FBXW7: variants seen among roughly 807,000 people sequenced by gnomAD.
FBXW7 encodes F-box and WD repeat domain containing 7.
FBXW7 carries 11 observed loss-of-function variants against 86.3 expected under a neutral mutation model. The ratio of observed to expected loss-of-function variants is 0.13; its 90% confidence interval spans 0.08 to 0.21. The LOEUF is 0.21. FBXW7 is among the 10% of genes least tolerant of loss of function. The pLI is 1.00. For missense variants in FBXW7, 488 were observed against 847.4 expected (o/e 0.58, Z 5.27); for synonymous variants, 313 against 297.9 (o/e 1.05, Z -0.52).
intron 4 of FBXW7, among the ~76,000 whole-genome samples, chr4:152,372,129 T>C (rs1734055657): frequency 6.6e-6 from 1 of 151,978 alleles, no homozygotes; most frequent in Non-Finnish European, 1.5e-5. Context: ...AGAAAAGTAA[T>C]ATAAAAGCTC....
chr4:152,430,138 A>G (rs1256022088), intron 2 of FBXW7, among the ~76,000 whole-genome samples: 5 of 152,232 alleles, frequency 3.3e-5, no homozygotes, highest in African/African-American at 1.2e-4. Context: ...GTGCTTTTGA[A>G]GAACAGTGAC....
chr4:152,409,613 T>C (rs1737742322), intron 4 of FBXW7, among the ~76,000 whole-genome samples: 3 of 152,186 alleles, frequency 2.0e-5, no homozygotes, highest in Admixed American at 2.0e-4. Context: ...ATCACTGTCC[T>C]GGCAATCAAA....
intron 4 of FBXW7, among the ~76,000 whole-genome samples, chr4:152,403,745 G>A (rs1029957542): frequency 6.6e-6 from 1 of 152,134 alleles, no homozygotes; most frequent in Non-Finnish European, 1.5e-5. Flanking sequence ...CGGAGCACAG[G>A]CGGTAATGCT....
rs140477181 is a variant in FBXW7, at chr4:152,375,259, G to T, written c.502-25135C>A. Among the ~76,000 whole-genome samples, 829 of 152,114 alleles carry T rather than the reference G, an allele frequency of 5.4e-3. 6 individuals carry two copies. Among genetic ancestry groups the T allele is most frequent in the Admixed American group, 8.8e-3 (134 of 15,246 alleles). ...TTAATAGCTATATACTTTGGGAGAGGTTGTCACTTATACTGTAAAGATACC... is the reference window on the plus strand; with the variant it reads ...TTAATAGCTATATACTTTGGGAGAGTTTGTCACTTATACTGTAAAGATACC... On this transcript the variant is annotated intron_variant, in intron 4 of 13. Transcript: ENST00000281708.
intron 2 of FBXW7, among the ~76,000 whole-genome samples, chr4:152,428,524 G>A (rs1579173393): frequency 6.6e-6 from 1 of 152,176 alleles, no homozygotes. Flanking sequence ...AGAGATTCAA[G>A]GGACTACTTT....
chr4:152,409,691 C>T (rs1455456211), intron 4 of FBXW7, among the ~76,000 whole-genome samples: 1 of 150,712 alleles, frequency 6.6e-6, no homozygotes, highest in Non-Finnish European at 1.5e-5. Flanking sequence ...ATATCAAAAA[C>T]TATACATACA....
intron 4 of FBXW7, chr4:152,382,272 T>C (rs1304948339): frequency 1.2e-6 from 2 of 1,605,374 alleles, no homozygotes; most frequent in Non-Finnish European, 1.7e-6. Flanking sequence ...AGAGGCTCTT[T>C]TGCACTTTTA....
intron 2 of FBXW7, among the ~76,000 whole-genome samples, chr4:152,439,543 G>A (rs1380448564): frequency 6.6e-6 from 1 of 152,016 alleles, no homozygotes; most frequent in Non-Finnish European, 1.5e-5. Context: ...CAACTATACT[G>A]TTATATAACA....
chr4:152,415,134 A>G (rs1264244445), intron 2 of FBXW7, among the ~76,000 whole-genome samples: 1 of 152,192 alleles, frequency 6.6e-6, no homozygotes, highest in Admixed American at 6.6e-5. Flanking sequence ...CAGTTGTTAA[A>G]TAAGTGGAGC....
chr4:152,530,588 C>A (rs530802668), intron 2 of FBXW7: 1 of 152,196 alleles, frequency 6.6e-6, no homozygotes, highest in Non-Finnish European at 1.5e-5. Flanking sequence ...GTTTTCATCA[C>A]CATGAAGGCA....
intron 2 of FBXW7, among the ~76,000 whole-genome samples, chr4:152,491,519 C>T (rs1179052682): frequency 6.6e-6 from 1 of 151,960 alleles, no homozygotes; most frequent in African/African-American, 2.4e-5. Flanking sequence ...CCCCCATGGA[C>T]GTGACGTTTA....
chr4:152,522,923 A>G (rs569684035), intron 2 of FBXW7, among the ~76,000 whole-genome samples: 1 of 152,326 alleles, frequency 6.6e-6, no homozygotes, highest in Admixed American at 6.5e-5. Context: ...TCCTGCTCCT[A>G]ATCACTGTTG....
intron 2 of FBXW7, among the ~76,000 whole-genome samples, chr4:152,493,966 G>T (rs1208339574): frequency 6.6e-6 from 1 of 152,214 alleles, no homozygotes; most frequent in Non-Finnish European, 1.5e-5. Context: ...CTAAACAGGT[G>T]AGTCAAAGGT....
At chr4:152,532,135 T>C (rs1372326324) in intron 2 of FBXW7, among the ~76,000 whole-genome samples, 1 of 152,260 alleles carries the variant, frequency 6.6e-6, no homozygotes, top group African/African-American at 2.4e-5. Context: ...TTTCAGTATA[T>C]TACCTGCTAA....
intron 6 of FBXW7, among the ~76,000 whole-genome samples, chr4:152,344,590 G>C (rs1731079813): frequency 6.6e-6 from 1 of 150,918 alleles, no homozygotes; most frequent in Non-Finnish European, 1.5e-5. Context: ...AAAAAACTAT[G>C]GTGTCTCAGA....
chr4:152,411,663 T>C lies in FBXW7; in HGVS notation c.141A>G (p.Gln47=), dbSNP rs2126881293. ...VEEEQQQQLR[Q]QEEEHTARNG... ...TCCTTGCAGTGTGCTCCTCCTCTTG[T>C]TGTCTGAGTTGCTGTTGCTGTTCCT... is the stretch of plus-strand genomic sequence containing the variant. Residue 47 remains glutamine, a synonymous_variant, in exon 4 of 14, where the codon CAA becomes CAG. Transcript: ENST00000281708. 6.2e-7 allele frequency: 1 copy of C among 1,614,002 alleles called. No individual in the cohort carries two copies. Among genetic ancestry groups the C allele is most frequent in the Non-Finnish European group, 8.5e-7 (1 of 1,179,912 alleles).
At chr4:152,411,984 A>T in intron 3 of FBXW7, 112 bp from the exon 4 acceptor site, 2 of 995,358 alleles carry the variant, frequency 2.0e-6, no homozygotes. Context: ...AAAAGTATTG[A>T]TGCCACCAAG....
chr4:152,383,909 T>C (rs867422457), intron 4 of FBXW7, among the ~76,000 whole-genome samples: 6 of 152,086 alleles, frequency 3.9e-5, no homozygotes, highest in Non-Finnish European at 5.9e-5. Flanking sequence ...AAATGGTCAA[T>C]AGGCACATGA....
intron 2 of FBXW7, among the ~76,000 whole-genome samples, chr4:152,423,338 T>C (rs188070622): frequency 5.9e-5 from 9 of 152,216 alleles, no homozygotes; most frequent in African/African-American, 1.4e-4. Context: ...TAATGCTGTA[T>C]TACATGGCTG....
Sources: allele counts gnomAD v4.1 joint callset (sites outside exome capture counted in the v4.1 genomes callset), GRCh38; gene constraint gnomAD v4.1.1; transcripts MANE v1.5; gene names NCBI Gene and HGNC (gene_info 2026-07-23, HGNC 2026-07-21).